Variants in EYA4 observed in about 807,000 individuals in gnomAD.
EYA4 encodes the protein protein phosphatase EYA4.
In EYA4, 31 loss-of-function variants were observed where a neutral mutation model predicts 87.9. The ratio of observed to expected loss-of-function variants is 0.35; its 90% CI spans 0.27 to 0.48. The LOEUF (loss-of-function observed/expected upper bound fraction) is 0.48. EYA4 is among the 20% of genes least tolerant of loss of function. The pLI is 0.99. For synonymous variants in EYA4, 263 were observed against 270.6 expected (o/e 0.97, Z 0.28); for missense variants, 678 against 761.4 (o/e 0.89, Z 1.29).
At chr6:133,453,138 C>A (rs1381161984) in intron 5 of EYA4, 1 of 151,930 alleles carries the variant, frequency 6.6e-6, no homozygotes, top group South Asian at 2.1e-4. Flanking sequence ...GGAATAGGCA[C>A]TGATAATTAT....
chr6:133,325,495 T>G (rs1476180075), intron 2 of EYA4: 1 of 152,206 alleles, frequency 6.6e-6, no homozygotes, highest in Non-Finnish European at 1.5e-5. Context: ...GTGTAAACCA[T>G]TTTGTTAGTA....
intron 19 of EYA4, among the ~76,000 whole-genome samples, chr6:133,526,573 G>A (rs141253875): frequency 5.3e-4 from 81 of 152,294 alleles, no homozygotes; most frequent in African/African-American, 1.9e-3. Context: ...ATTTAAGAGA[G>A]TAGGCTCAGG....
At chr6:133,459,551 G>T (rs1008606289) in intron 6 of EYA4, among the ~76,000 whole-genome samples, 1 of 152,026 alleles carries the variant, frequency 6.6e-6, no homozygotes, top group Non-Finnish European at 1.5e-5. Flanking sequence ...AGAGACGAAA[G>T]AATATTTAAT....
At chr6:133,337,300 G>A (rs1287781182) in intron 2 of EYA4, among the ~76,000 whole-genome samples, 1 of 152,144 alleles carries the variant, frequency 6.6e-6, no homozygotes, top group East Asian at 1.9e-4. Flanking sequence ...CAGGATGCTA[G>A]GATGAGAGAG....
At chr6:133,361,598 G>C in intron 2 of EYA4, among the ~76,000 whole-genome samples, 1 of 152,334 alleles carries the variant, frequency 6.6e-6, no homozygotes, top group East Asian at 1.9e-4. Context: ...GTTCGTAGTT[G>C]TTGGCAGTTT....
intron 4 of EYA4, 57 bp downstream of exon 4, chr6:133,446,811 T>C: frequency 2.0e-6 from 3 of 1,537,490 alleles, no homozygotes; most frequent in Non-Finnish European, 2.7e-6. Context: ...GCTTTAATTT[T>C]ACTTCTTAGA....
intron 3 of EYA4, among the ~76,000 whole-genome samples, chr6:133,439,913 A>G (rs1792100412): frequency 6.6e-6 from 1 of 152,198 alleles, no homozygotes; most frequent in Non-Finnish European, 1.5e-5. Context: ...CTTAAAGGTT[A>G]TCTCCCAGGA....
chr6:133,368,289 C>T (rs1785005933), intron 2 of EYA4, among the ~76,000 whole-genome samples: 1 of 152,088 alleles, frequency 6.6e-6, no homozygotes, highest in Admixed American at 6.5e-5. Flanking sequence ...CCTACCTCGC[C>T]CCGCTTTAAG....
intron 1 of EYA4, among the ~76,000 whole-genome samples, chr6:133,261,744 C>T (rs532567684): frequency 2.0e-5 from 3 of 152,148 alleles, no homozygotes; most frequent in East Asian, 3.8e-4. Flanking sequence ...CTCTACTGTA[C>T]AGCAAAGAAT....
Position 133,481,597 on chromosome 6 carries a change from G to A in EYA4, c.1105G>A (p.Glu369Lys). The A allele has an allele frequency of 6.2e-7, 1 of 1,613,928 alleles. No homozygotes were observed. The highest frequency in any genetic ancestry group is 8.5e-7 in the Non-Finnish European group (1 of 1,179,894). Residue 369 changes from glutamate to lysine, a missense_variant and splice_region_variant, in exon 12 of 20, where the codon GAG becomes AAG. Physicochemically the swap from Glu to Lys is moderately conservative, Grantham distance 56. Coordinates refer to ENST00000355286, the MANE Select transcript of EYA4 (RefSeq NM_004100.5). Reference sequence around the variant, plus strand: ...CTCCCCGCCTCCTGATAGTGACCTGGAGGTATGCCTACTCATTCTTAAAGA... The same window carrying A: ...CTCCCCGCCTCCTGATAGTGACCTGAAGGTATGCCTACTCATTCTTAAAGA... Reference protein sequence around the residue: ...NPSPPPDSDLERVFVWDLDET... With the variant: ...NPSPPPDSDLKRVFVWDLDET...
intron 13 of EYA4, among the ~76,000 whole-genome samples, chr6:133,489,540 C>A (rs986822136): frequency 2.0e-5 from 3 of 151,778 alleles, no homozygotes; most frequent in African/African-American, 7.3e-5. Flanking sequence ...AGTGGAGCTC[C>A]AGTACATGGC....
intron 17 of EYA4, among the ~76,000 whole-genome samples, chr6:133,520,000 T>C (rs1799965852): frequency 6.6e-6 from 1 of 152,022 alleles, no homozygotes; most frequent in South Asian, 2.1e-4. Flanking sequence ...TAATAAGAGC[T>C]ATCTATGACA....
At chr6:133,463,354 CTTTT>C (rs571663764) in intron 9 of EYA4, among the ~76,000 whole-genome samples, 2 of 115,246 alleles carry the variant, frequency 1.7e-5, no homozygotes, top group South Asian at 2.8e-4. Context: ...TGTGTTTTAT[CTTTT>C]TTTTTTTTTT....
intron 2 of EYA4, among the ~76,000 whole-genome samples, chr6:133,306,456 GC>G (rs1779819352): frequency 6.6e-6 from 1 of 152,200 alleles, no homozygotes. Flanking sequence ...ACCTGGCACA[GC>G]CTTAATTTGA....
intron 3 of EYA4, among the ~76,000 whole-genome samples, chr6:133,436,284 C>A (rs891091810): frequency 1.3e-5 from 2 of 152,000 alleles, no homozygotes; most frequent in Admixed American, 6.6e-5. Flanking sequence ...TCCATCTCCC[C>A]TTACCTAGCC....
At chr6:133,512,402 A>G (rs993662415) in intron 14 of EYA4, among the ~76,000 whole-genome samples, 5 of 152,194 alleles carry the variant, frequency 3.3e-5, no homozygotes, top group Admixed American at 6.5e-5. Context: ...CTGGAAGGGA[A>G]CTCAAATGCT....
chr6:133,310,161 T>C (rs1163168953), intron 2 of EYA4, among the ~76,000 whole-genome samples: 2 of 152,212 alleles, frequency 1.3e-5, no homozygotes, highest in Non-Finnish European at 2.9e-5. Flanking sequence ...TGATAATTCC[T>C]GCCATATAGG....
At chr6:133,328,561 AATAT>A (rs1397991533) in intron 2 of EYA4, among the ~76,000 whole-genome samples, 4 of 152,150 alleles carry the variant, frequency 2.6e-5, no homozygotes, top group Admixed American at 1.3e-4. Flanking sequence ...TAGAGAATAA[AATAT>A]ATGTAGAAGT....
intron 2 of EYA4, among the ~76,000 whole-genome samples, chr6:133,362,780 A>C (rs1248914054): frequency 6.6e-6 from 1 of 152,210 alleles, no homozygotes; most frequent in Non-Finnish European, 1.5e-5. Context: ...ACTGAAAGTA[A>C]ATAAATCTTG....
Sources: allele counts gnomAD v4.1 joint callset (sites outside exome capture counted in the v4.1 genomes callset), GRCh38; gene constraint gnomAD v4.1.1; transcripts MANE v1.5; gene names NCBI Gene and HGNC (gene_info 2026-07-23, HGNC 2026-07-21).